Variants in AHDC1 observed in about 807,000 individuals in gnomAD.
AHDC1 encodes the protein AT-hook DNA binding motif containing 1.
AHDC1 carries 7 observed loss-of-function variants against 87.9 expected under a neutral mutation model. The ratio of observed to expected loss-of-function variants is 0.08; its 90% CI spans 0.05 to 0.15. The LOEUF (loss-of-function observed/expected upper bound fraction) is 0.15, where lower values mean the gene tolerates loss of function less well. AHDC1 is among the 10% of genes least tolerant of loss of function. The pLI, the probability that AHDC1 is intolerant of heterozygous loss-of-function variation, is 1.00. For missense variants in AHDC1, 1,841 were observed against 2,253.2 expected, an observed-to-expected ratio of 0.82 and a Z score of 3.70; for synonymous variants, 1,051 against 1,006.8, an observed-to-expected ratio of 1.04 and a Z score of -0.83.
intron 3 of AHDC1, among the ~76,000 whole-genome samples, chr1:27,602,645 C>A (rs924761187): frequency 3.3e-5 from 5 of 152,200 alleles, no homozygotes; most frequent in African/African-American, 1.2e-4. Context: ...TCACTCAGCA[C>A]CCCACCCCCT....
At chr1:27,585,655 G>A (rs1044782900) in intron 3 of AHDC1, among the ~76,000 whole-genome samples, 2 of 152,068 alleles carry the variant, frequency 1.3e-5, no homozygotes, top group South Asian at 4.1e-4. Flanking sequence ...GCACACCTTC[G>A]AGAAGCCCCT....
rs753552981 is a variant in AHDC1 at position 27,561,523 on chromosome 1, G to A, written c.-628-2640C>T. On this transcript the variant is annotated intron_variant, in intron 3 of 8. Coordinates refer to ENST00000673934, the MANE Select transcript of AHDC1 (RefSeq NM_001371928.1). The surrounding 1 kb of genome is among the most constrained non-coding windows in gnomAD (Gnocchi z 4.2). ...TGGGGGGAACACAGCAAGGAGGGGTGCAGGGGCTGGGCTGGGACTAAGGCT... is the reference window on the plus strand; with the variant it reads ...TGGGGGGAACACAGCAAGGAGGGGTACAGGGGCTGGGCTGGGACTAAGGCT... Among the ~76,000 whole-genome samples, 5 of 152,186 alleles carry A rather than the reference G, an allele frequency of 3.3e-5. No homozygotes were observed. Among genetic ancestry groups the A allele is most frequent in the South Asian group, 2.1e-4 (1 of 4,818 alleles).
chr1:27,570,753 T>C (rs1424665565), intron 3 of AHDC1, among the ~76,000 whole-genome samples: 2 of 152,138 alleles, frequency 1.3e-5, no homozygotes, highest in Admixed American at 6.5e-5. Flanking sequence ...GATAGGGAGA[T>C]TGAGGCCTAG....
chr1:27,537,006 A>G (rs2018669949), intron 8 of AHDC1, among the ~76,000 whole-genome samples: 1 of 152,124 alleles, frequency 6.6e-6, no homozygotes, highest in Non-Finnish European at 1.5e-5. Context: ...CCCTCTGCTA[A>G]GCCGCCCATC....
rs1247190880 is a variant in AHDC1 at position 27,563,666 on chromosome 1, C to T, written c.-628-4783G>A. 6.6e-6 allele frequency among the ~76,000 whole-genome samples: 1 copy of T among 152,224 alleles called. No homozygotes were observed. The highest frequency in any genetic ancestry group is 2.4e-5 in the African/African-American group (1 of 41,460). ...AGAGCCGGGCACAGCCACACATTGCCCCAGTGACAAACACCACTGGCCCCA... is the reference window on the plus strand; with the variant it reads ...AGAGCCGGGCACAGCCACACATTGCTCCAGTGACAAACACCACTGGCCCCA... On this transcript the variant is annotated intron_variant, in intron 3 of 8. Transcript: ENST00000673934. The surrounding 1 kb of genome is among the most constrained non-coding windows in gnomAD (Gnocchi z 6.1).
At chr1:27,569,827 T>TC (rs1252436560) in intron 3 of AHDC1, among the ~76,000 whole-genome samples, 1 of 151,672 alleles carries the variant, frequency 6.6e-6, no homozygotes, top group African/African-American at 2.4e-5. Flanking sequence ...GCCTGGACCC[T>TC]CCCCTAGCCC....
At position 27,565,854 on chromosome 1, in the gene AHDC1, T is replaced by C. The variant is rs1480174010; in HGVS notation, c.-628-6971A>G. On this transcript the variant is annotated intron_variant, in intron 3 of 8. Coordinates refer to ENST00000673934, the MANE Select transcript of AHDC1 (RefSeq NM_001371928.1). The surrounding 1 kb of genome is among the most constrained non-coding windows in gnomAD (Gnocchi z 4.6). ...CTGGGCTAGTGGAAGGTAGACTAGA[T>C]GGATGGAGCCCATCCCCTAAAACCC... 6.6e-6 allele frequency among the ~76,000 whole-genome samples: 1 copy of C among 152,190 alleles called. No homozygotes were observed. The highest frequency in any genetic ancestry group is 1.5e-5 in the Non-Finnish European group (1 of 68,022).
chr1:27,567,395 G>A (rs998422950), intron 3 of AHDC1, among the ~76,000 whole-genome samples: 3 of 151,984 alleles, frequency 2.0e-5, no homozygotes, highest in Admixed American at 1.3e-4. Flanking sequence ...GGGGCCGGGA[G>A]GGGGGCTGAG....
At chr1:27,576,236 T>C (rs1159570596) in intron 3 of AHDC1, among the ~76,000 whole-genome samples, 1 of 152,136 alleles carries the variant, frequency 6.6e-6, no homozygotes, top group Non-Finnish European at 1.5e-5. Flanking sequence ...CCCGGCTTTA[T>C]AGGGTAGGTG....
At chr1:27,555,991 A>G (rs2019799426) in intron 5 of AHDC1, among the ~76,000 whole-genome samples, 1 of 152,074 alleles carries the variant, frequency 6.6e-6, no homozygotes, top group African/African-American at 2.4e-5. Flanking sequence ...ACCCCTCCCA[A>G]GGGTACCACC....
Position 27,548,784 on chromosome 1 carries a change from C to A in AHDC1, c.3332G>T (p.Arg1111Leu). 1.2e-6 allele frequency: 2 copies of A among 1,613,010 alleles called. No homozygotes were observed. Among genetic ancestry groups the A allele is most frequent in the Non-Finnish European group, 1.7e-6 (2 of 1,179,908 alleles). The change falls in exon 8 of 9, where the codon CGG (arginine) becomes CTG (leucine). Residue 1111 changes from arginine to leucine, a missense_variant. This residue lies in a region of AHDC1 where 378 missense variants were observed against 399.0 expected (regional missense o/e 0.95). Coordinates refer to ENST00000673934, the MANE Select transcript of AHDC1 (RefSeq NM_001371928.1). Reference sequence around the variant, plus strand: ...CCAGTCCAGGCCTCCATAGCCCTGCCGGAAAGGCCACTGAGAAGCCCCCGC... The same window carrying A: ...CCAGTCCAGGCCTCCATAGCCCTGCAGGAAAGGCCACTGAGAAGCCCCCGC... ...QFAGASQWPFRQGYGGLDWAS... is the reference protein window; with the variant it reads ...QFAGASQWPFLQGYGGLDWAS...
Position 27,560,133 on chromosome 1 carries a change from G to T in AHDC1, c.-628-1250C>A, listed in dbSNP as rs1571264878. On this transcript the variant is annotated intron_variant, in intron 3 of 8. Coordinates refer to ENST00000673934, the MANE Select transcript of AHDC1 (RefSeq NM_001371928.1). The surrounding 1 kb of genome is among the most constrained non-coding windows in gnomAD (Gnocchi z 4.1). ...ATGTGTGATGCCAGCTTAAGTGTGT[G>T]CCTGGATTTGGTGTCTTCAGTCATA... Among the ~76,000 whole-genome samples the T allele has an allele frequency of 6.6e-6, 1 of 152,220 alleles. No individual in the cohort carries two copies. Among genetic ancestry groups the T allele is most frequent in the South Asian group, 2.1e-4 (1 of 4,824 alleles).
rs772205875 is a variant in AHDC1 at position 27,551,503 on chromosome 1, TAGGCTC to T, written c.607_612del (p.Glu203_Pro204del). ...CCTTGGCCAGGCTGGGGACTGTCCC[TAGGCTC>T]AGGCTCAGGCTCGTAGAGGGGATGG... is the stretch of plus-strand genomic sequence containing the variant. On this transcript the variant is annotated inframe_deletion, in exon 8 of 9. Transcript: ENST00000673934. 1.9e-6 allele frequency: 3 copies of T among 1,605,986 alleles called. No individual in the cohort carries two copies. Among genetic ancestry groups the T allele is most frequent in the East Asian group, 2.2e-5 (1 of 44,766 alleles).
At chr1:27,597,049 CTG>C (rs1482425062) in intron 3 of AHDC1, among the ~76,000 whole-genome samples, 1 of 152,238 alleles carries the variant, frequency 6.6e-6, no homozygotes, top group Non-Finnish European at 1.5e-5. Context: ...GGGCATTTCT[CTG>C]TGTCCAGGTC....
Position 27,547,832 on chromosome 1 carries a change from T to C in AHDC1, c.4284A>G (p.Gly1428=), listed in dbSNP as rs775489378. ...KLAACEPLKH[G]LQGASLGHAA... The stretch of plus-strand genomic sequence containing the variant: ...CGTGGCCCAGGCTGGCCCCCTGGAG[T>C]CCATGCTTGAGGGGCTCGCAGGCAG... Residue 1428 remains glycine, a synonymous_variant, in exon 8 of 9, where the codon GGA becomes GGG. Coordinates refer to ENST00000673934, the MANE Select transcript of AHDC1 (RefSeq NM_001371928.1). The surrounding 1 kb of genome is among the most constrained non-coding windows in gnomAD (Gnocchi z 4.9). The C allele has an allele frequency of 3.2e-6, 5 of 1,548,992 alleles. No homozygotes were observed. The highest frequency in any genetic ancestry group is 2.4e-5 in the South Asian group (2 of 82,080).
chr1:27,575,935 C>T (rs1029086304), intron 3 of AHDC1, among the ~76,000 whole-genome samples: 4 of 151,744 alleles, frequency 2.6e-5, no homozygotes, highest in Non-Finnish European at 4.4e-5. Context: ...GGAGGGCCGT[C>T]GCGATCCGGG....
chr1:27,548,396 G>C lies in AHDC1; in HGVS notation c.3720C>G (p.Asp1240Glu). ...KPGRGRRKKVDLFEASHLGFP... is the reference protein window; with the variant it reads ...KPGRGRRKKVELFEASHLGFP... ...AGCCCAGATGTGAGGCCTCGAACAGGTCCACCTTCTTCCGCCGTCCACGGC... is the reference window on the plus strand; with the variant it reads ...AGCCCAGATGTGAGGCCTCGAACAGCTCCACCTTCTTCCGCCGTCCACGGC... The change falls in exon 8 of 9, where the codon GAC becomes GAG. Residue 1240 changes from aspartate to glutamate, a missense_variant. By Grantham distance (45) the Asp-to-Glu change is conservative. This residue lies in a region of AHDC1 where 505 missense variants were observed against 626.2 expected (regional missense o/e 0.81). Transcript: ENST00000673934. The C allele has an allele frequency of 1.2e-6, 2 of 1,609,820 alleles. No individual in the cohort carries two copies. Among genetic ancestry groups the C allele is most frequent in the Non-Finnish European group, 1.7e-6 (2 of 1,176,784 alleles).
At chr1:27,602,030 T>C (rs893851885) in intron 3 of AHDC1, among the ~76,000 whole-genome samples, 4 of 151,744 alleles carry the variant, frequency 2.6e-5, no homozygotes, top group African/African-American at 9.7e-5. Context: ...CCCCCAAGGG[T>C]CCCTCCTTGT....
intron 3 of AHDC1, among the ~76,000 whole-genome samples, chr1:27,596,014 T>C (rs1473594513): frequency 6.6e-6 from 1 of 151,914 alleles, no homozygotes; most frequent in Non-Finnish European, 1.5e-5. Context: ...TGTTGGGAGC[T>C]GTAACTGAGT....
Sources: gnomAD v4.1 joint callset for allele counts (sites outside exome capture counted in the v4.1 genomes callset) on GRCh38, gnomAD v4.1.1 for gene constraint, gnomAD v4.1.1 regional missense constraint, Gnocchi (gnomAD v3.1) non-coding constraint, MANE v1.5 for transcripts, NCBI Gene and HGNC (gene_info 2026-07-23, HGNC 2026-07-21) for gene names.